Variants in SASH1 observed in about 807,000 individuals in gnomAD.
The protein encoded by SASH1 is SAM and SH3 domain containing 1, also known as SAM and SH3 domain-containing protein 1.
Under a neutral mutation model 125.2 loss-of-function variants are expected in SASH1, and 44 were observed. The ratio of observed to expected loss-of-function variants is 0.35; its 90% confidence interval spans 0.28 to 0.45. SASH1 has a LOEUF of 0.45. Among genes scored for constraint, SASH1 ranks in the 20% least tolerant of loss-of-function variants. The pLI is 1.00. For synonymous variants in SASH1, 639 were observed against 649.1 expected (o/e 0.98, Z 0.24); for missense variants, 1,426 against 1,614.5 (o/e 0.88, Z 2.00).
At chr6:148,421,161 G>GAAAGAAAGAAAGAAAGAAAGAAAA (rs1562396465) in intron 2 of SASH1, among the ~76,000 whole-genome samples, 1 of 100,722 alleles carries the variant, frequency 9.9e-6, no homozygotes, top group African/African-American at 3.7e-5. Context: ...AAGAAAGAAA[G>GAAAGAAAGAAAGAAAGAAAGAAAA]AAAGAAAGAA....
intron 16 of SASH1, among the ~76,000 whole-genome samples, chr6:148,536,457 A>C (rs1781852983): frequency 6.6e-6 from 1 of 152,168 alleles, no homozygotes; most frequent in African/African-American, 2.4e-5. Flanking sequence ...CTCCTGCCTC[A>C]GCCTCCCGAG....
rs986826809 is a variant in SASH1 at position 148,495,379 on chromosome 6, A to G, written c.729+7664A>G. ...GTATAACCACTGTCGTCTTTTATAG[A>G]ATCTGCTATTGTGAGCTCAACTCAA... On this transcript the variant is annotated intron_variant, in intron 8 of 19. Transcript: ENST00000367467. This position sits in a 1 kb window ranked among gnomAD's most constrained non-coding sequence, Gnocchi z 4.0. 2.0e-5 allele frequency among the ~76,000 whole-genome samples: 3 copies of G among 152,168 alleles called. No homozygotes were observed. Among genetic ancestry groups the G allele is most frequent in the African/African-American group, 7.2e-5 (3 of 41,428 alleles).
chr6:148,425,806 A>G (rs911559133), intron 2 of SASH1, among the ~76,000 whole-genome samples: 1 of 143,176 alleles, frequency 7.0e-6, no homozygotes, highest in Non-Finnish European at 1.5e-5. Flanking sequence ...ATCTTGGCTC[A>G]CGGCAACCTC....
chr6:148,239,072 A>G, the SASH1 span, among the ~76,000 whole-genome samples: 1 of 152,146 alleles, frequency 6.6e-6, no homozygotes, highest in East Asian at 1.9e-4. Context: ...GGGACATTAG[A>G]GTTACTGAAA....
At chr6:148,261,109 G>A in the SASH1 span, among the ~76,000 whole-genome samples, 1 of 151,990 alleles carries the variant, frequency 6.6e-6, no homozygotes, top group African/African-American at 2.4e-5. Context: ...CCGGCATAAG[G>A]GCTTTTTAAA....
intron 12 of SASH1, among the ~76,000 whole-genome samples, chr6:148,530,123 A>C (rs560507581): frequency 6.6e-6 from 1 of 152,268 alleles, no homozygotes; most frequent in Admixed American, 6.5e-5. Context: ...TTTTTAAAAA[A>C]ACTTTTTAGT....
In SASH1 at chr6:148,300,147, A is replaced by T. The variant is rs1480918587; in HGVS notation, n.74+27770A>T. On this transcript the variant is annotated intron_variant and non_coding_transcript_variant, in intron 1 of 3. Transcript: ENST00000367469. ...GTAAACTGAATATGGAAGGCTAAAA[A>T]CCTGAGTATAGTACCAAGAAATAAA... 4.6e-5 allele frequency among the ~76,000 whole-genome samples: 7 copies of T among 152,170 alleles called. No individual in the cohort carries two copies. In the East Asian group the frequency reaches 1.2e-3, roughly 25 times the overall value.
In SASH1 at chr6:148,532,388, T is replaced by C. The variant is rs1054169646; in HGVS notation, c.1565-409T>C. ...CCGAGATCAAGTTTAAACCTACCACTTTAAGCTCTTTCTTACCCTTTTGGG... is the reference window on the plus strand; with the variant it reads ...CCGAGATCAAGTTTAAACCTACCACCTTAAGCTCTTTCTTACCCTTTTGGG... On this transcript the variant is annotated intron_variant, in intron 13 of 19. Transcript: ENST00000367467. This position sits in a 1 kb window ranked among gnomAD's most constrained non-coding sequence, Gnocchi z 4.7. 1.3e-5 allele frequency among the ~76,000 whole-genome samples: 2 copies of C among 152,196 alleles called. No homozygotes were observed. Among genetic ancestry groups the C allele is most frequent in the Non-Finnish European group, 2.9e-5 (2 of 68,028 alleles).
chr6:148,295,637 G>A (rs1043614765), intron 1 of SASH1, among the ~76,000 whole-genome samples: 3 of 152,194 alleles, frequency 2.0e-5, no homozygotes, highest in East Asian at 1.9e-4. Flanking sequence ...GAGTTATCTC[G>A]GCAGCCTGTG....
At chr6:148,449,643 T>C (rs1013440037) in intron 4 of SASH1, among the ~76,000 whole-genome samples, 20 of 152,174 alleles carry the variant, frequency 1.3e-4, no homozygotes, top group Non-Finnish European at 2.9e-4. Context: ...CGCCTTGGCC[T>C]CCCAAAGTGC....
the SASH1 span, among the ~76,000 whole-genome samples, chr6:148,199,375 G>GAAAAAA: frequency 8.1e-6 from 1 of 123,620 alleles, no homozygotes. Flanking sequence ...TCCGTCTCAA[G>GAAAAAA]AAAAAAAAAA....
chr6:148,528,849 T>C (rs1434079842), intron 12 of SASH1, among the ~76,000 whole-genome samples: 1 of 152,132 alleles, frequency 6.6e-6, no homozygotes. Context: ...TTGTAATATA[T>C]AATGAAATAA....
At chr6:148,266,531 T>C in the SASH1 span, among the ~76,000 whole-genome samples, 3 of 152,246 alleles carry the variant, frequency 2.0e-5, no homozygotes, top group Admixed American at 1.3e-4. Context: ...AAGGGCCCAA[T>C]GTTAGCTCCT....
chr6:148,532,818 C>A lies in SASH1; in HGVS notation c.1586C>A (p.Thr529Asn). Residue 529 changes from threonine to asparagine, a missense_variant, in exon 14 of 20, where the codon ACT becomes AAT. Coordinates refer to ENST00000367467, the MANE Select transcript of SASH1 (RefSeq NM_015278.5). The surrounding 1 kb of genome is among the most constrained non-coding windows in gnomAD (Gnocchi z 4.7). ...SSMSGQTVST[T>N]DSSTSNRESV... is the part of the protein sequence containing the mutation. ...ACAGGCGGTCAAACAGTGAGCACCACTGATTCCTCAACCAGCAACCGGGAA... is the reference window on the plus strand; with the variant it reads ...ACAGGCGGTCAAACAGTGAGCACCAATGATTCCTCAACCAGCAACCGGGAA... 6.2e-7 allele frequency: 1 copy of A among 1,614,228 alleles called. No homozygotes were observed. Among genetic ancestry groups the A allele is most frequent in the South Asian group, 1.1e-5 (1 of 91,090 alleles).
chr6:148,463,750 T>C (rs1181797422), intron 4 of SASH1, among the ~76,000 whole-genome samples: 4 of 152,204 alleles, frequency 2.6e-5, no homozygotes, highest in Non-Finnish European at 5.9e-5. Flanking sequence ...CACCGCACAC[T>C]TAGCATGTCC....
chr6:148,368,767 C>CGT (rs144809291), intron 1 of SASH1, among the ~76,000 whole-genome samples: 33,937 of 126,494 alleles, frequency 0.27, 4,584 homozygotes, highest in Middle Eastern at 0.31. Context: ...CGCGCACGCG[C>CGT]GCGCACACAC....
chr6:148,470,889 C>T (rs970819856), intron 5 of SASH1, among the ~76,000 whole-genome samples: 2 of 152,120 alleles, frequency 1.3e-5, no homozygotes, highest in African/African-American at 4.8e-5. Flanking sequence ...ACCCAGAGAA[C>T]CAGGGGACCA....
chr6:148,314,229 C>T (rs528632804), intron 1 of SASH1, among the ~76,000 whole-genome samples: 1 of 152,214 alleles, frequency 6.6e-6, no homozygotes, highest in South Asian at 2.1e-4. Flanking sequence ...TGGATGCAGC[C>T]CCACTTCCTG....
intron 1 of SASH1, among the ~76,000 whole-genome samples, chr6:148,302,341 ACT>A (rs1779986087): frequency 1.7e-4 from 18 of 104,404 alleles, no homozygotes; most frequent in East Asian, 1.2e-3. Flanking sequence ...AAAAAAAAAA[ACT>A]AGTAATATTA....
Sources: gnomAD v4.1 joint callset for allele counts (sites outside exome capture counted in the v4.1 genomes callset) on GRCh38, gnomAD v4.1.1 for gene constraint, Gnocchi (gnomAD v3.1) non-coding constraint, MANE v1.5 for transcripts, NCBI Gene and HGNC (gene_info 2026-07-23, HGNC 2026-07-21) for gene names.